The following COL4A5 variants were observed in gnomAD, a reference collection of about 807,000 sequenced individuals.
The protein encoded by COL4A5 is collagen alpha-5(IV) chain.
A neutral mutation model predicts 130.2 loss-of-function variants in COL4A5; 26 were observed. The ratio of observed to expected loss-of-function variants is 0.20; its 90% CI spans 0.15 to 0.28. COL4A5 has a LOEUF of 0.28. Among genes scored for constraint, COL4A5 ranks in the 10% least tolerant of loss-of-function variants. The probability of loss-of-function intolerance (pLI) is 1.00; values close to 1 mark genes in which losing one functional copy is unlikely to be tolerated. For missense variants in COL4A5, 1,131 were observed against 1,344.3 expected, an observed-to-expected ratio of 0.84 and a Z score of 2.48; for synonymous variants, 496 against 439.6, an observed-to-expected ratio of 1.13 and a Z score of -1.60.
chrX:108,627,626 T>C, intron 36 of COL4A5: 5 of 669,052 alleles, frequency 7.5e-6, no homozygotes, highest in Non-Finnish European at 8.9e-6. Flanking sequence ...TTTAATTTTT[T>C]GGCTTTTTAA....
chrX:108,510,252 G>A (rs1341073063), intron 1 of COL4A5, among the ~76,000 whole-genome samples: 4 of 110,931 alleles, frequency 3.6e-5, no homozygotes, highest in Non-Finnish European at 7.6e-5. Context: ...ACAAACCCCC[G>A]TGACAAGACT....
chrX:108,637,757 G>A (rs919086852), intron 36 of COL4A5, among the ~76,000 whole-genome samples: 2 of 110,998 alleles, frequency 1.8e-5, no homozygotes, highest in African/African-American at 6.5e-5. Context: ...TATATGAATA[G>A]ACCTAAAGTG....
At chrX:108,473,634 T>TATATATATATATA (rs1556359558) in intron 1 of COL4A5, among the ~76,000 whole-genome samples, 3 of 22,903 alleles carry the variant, frequency 1.3e-4, no homozygotes, top group Non-Finnish European at 2.8e-4. Context: ...TATATATATA[T>TATATATATATATA]TTTTTTTTTT....
At chrX:108,502,354 C>T (rs1413791868) in intron 1 of COL4A5, among the ~76,000 whole-genome samples, 1 of 111,312 alleles carries the variant, frequency 9.0e-6, no homozygotes, top group Non-Finnish European at 1.9e-5. Context: ...GGCGCAATCT[C>T]GGCTCACTGC....
At chrX:108,514,910 A>G (rs1251072864) in intron 1 of COL4A5, among the ~76,000 whole-genome samples, 1 of 111,397 alleles carries the variant, frequency 9.0e-6, no homozygotes, top group Non-Finnish European at 1.9e-5. Flanking sequence ...CCAAAGTGGA[A>G]ACTATGTGTT....
chrX:108,467,062 C>A (rs1481065092), intron 1 of COL4A5, among the ~76,000 whole-genome samples: 1 of 111,270 alleles, frequency 9.0e-6, no homozygotes, highest in Non-Finnish European at 1.9e-5. Flanking sequence ...TCCTTTCTTG[C>A]TTATGCTTTT....
chrX:108,567,052 C>T (rs1432821450), intron 4 of COL4A5, among the ~76,000 whole-genome samples: 1 of 111,444 alleles, frequency 9.0e-6, no homozygotes, highest in Non-Finnish European at 1.9e-5. Flanking sequence ...TACAATATGC[C>T]TATTTCCTAC....
intron 1 of COL4A5, among the ~76,000 whole-genome samples, chrX:108,469,446 A>G (rs758039510): frequency 1.8e-5 from 2 of 110,350 alleles, no homozygotes; most frequent in Non-Finnish European, 3.8e-5. Flanking sequence ...TGCCTGGCTC[A>G]TAGTATTTTC....
At chrX:108,517,932 T>G (rs1476367318) in intron 1 of COL4A5, among the ~76,000 whole-genome samples, 3 of 111,217 alleles carry the variant, frequency 2.7e-5, no homozygotes, top group Non-Finnish European at 5.7e-5. Context: ...TTTATTTCTC[T>G]TATTGTCCTT....
intron 44 of COL4A5, 130 bp downstream of exon 44, chrX:108,677,763 TAA>T: frequency 2.4e-6 from 2 of 835,695 alleles, no homozygotes; most frequent in Non-Finnish European, 1.7e-6. Flanking sequence ...ACTGGCGAAT[TAA>T]AAAGACAGTA....
chrX:108,491,214 AG>A (rs1454724724), intron 1 of COL4A5, among the ~76,000 whole-genome samples: 1 of 111,155 alleles, frequency 9.0e-6, no homozygotes, highest in Non-Finnish European at 1.9e-5. Context: ...ATGATATGGA[AG>A]GGGAAACACA....
At chrX:108,658,103 A>G (rs769169289) in intron 37 of COL4A5, among the ~76,000 whole-genome samples, 3 of 110,928 alleles carry the variant, frequency 2.7e-5, no homozygotes, top group Non-Finnish European at 5.7e-5. Flanking sequence ...TTTGGCACAT[A>G]TATTTTACTA....
At chrX:108,560,823 C>G (rs2065889417) in intron 3 of COL4A5, among the ~76,000 whole-genome samples, 1 of 111,886 alleles carries the variant, frequency 8.9e-6, no homozygotes, top group Non-Finnish European at 1.9e-5. Context: ...GGAGATCAAC[C>G]AGCCAGAAGT....
At chrX:108,566,627 C>A (rs2065976006) in intron 4 of COL4A5, among the ~76,000 whole-genome samples, 1 of 110,107 alleles carries the variant, frequency 9.1e-6, no homozygotes, top group South Asian at 3.9e-4. Flanking sequence ...TGGCTCACTG[C>A]AAGCTCCGCC....
At chrX:108,608,687 A>G (rs4829443) in intron 29 of COL4A5, among the ~76,000 whole-genome samples, 43,185 of 110,473 alleles carry the variant, frequency 0.39, 8,014 homozygotes, top group East Asian at 0.72. Flanking sequence ...TAAATGAGAT[A>G]CATAAATCTT....
intron 19 of COL4A5, among the ~76,000 whole-genome samples, chrX:108,589,692 T>C (rs2066399057): frequency 9.0e-6 from 1 of 111,040 alleles, no homozygotes; most frequent in Non-Finnish European, 1.9e-5. Flanking sequence ...TAGAAGAAAA[T>C]GCAGGAAAAA....
chrX:108,596,315 T>G (rs773198600), intron 22 of COL4A5, among the ~76,000 whole-genome samples: 3 of 112,279 alleles, frequency 2.7e-5, no homozygotes, highest in Non-Finnish European at 5.6e-5. Context: ...GCCTTGTACC[T>G]CTAGTCTCAT....
intron 1 of COL4A5, among the ~76,000 whole-genome samples, chrX:108,495,042 A>G (rs2065022448): frequency 1.8e-5 from 2 of 112,007 alleles, no homozygotes; most frequent in African/African-American, 6.5e-5. Context: ...GATAGAAGGG[A>G]GAATTAAGAA....
intron 10 of COL4A5, among the ~76,000 whole-genome samples, chrX:108,576,674 C>T (rs2066155367): frequency 8.9e-6 from 1 of 112,284 alleles, no homozygotes; most frequent in African/African-American, 3.2e-5. Context: ...GCCACTCTAT[C>T]TCTCATCTAC....
Sources: allele counts gnomAD v4.1 joint callset (sites outside exome capture counted in the v4.1 genomes callset), GRCh38; gene constraint gnomAD v4.1.1; transcripts MANE v1.5; gene names NCBI Gene and HGNC (gene_info 2026-07-23, HGNC 2026-07-21).